Variants in KNDC1 observed in about 807,000 individuals in gnomAD.
The protein encoded by KNDC1 is kinase non-catalytic C-lobe domain-containing protein 1.
A neutral mutation model predicts 172.8 loss-of-function variants in KNDC1; 106 were observed. The ratio of observed to expected loss-of-function variants is 0.61; its 90% confidence interval spans 0.52 to 0.72. The LOEUF (loss-of-function observed/expected upper bound fraction) is 0.72, where lower values mean the gene tolerates loss of function less well. Ranked by LOEUF, KNDC1 falls within the 30% of genes least tolerant of loss-of-function variation. The pLI, the probability that KNDC1 is intolerant of heterozygous loss-of-function variation, is 0.00. For synonymous variants in KNDC1, 1,083 were observed against 1,062.2 expected, an observed-to-expected ratio of 1.02 and a Z score of -0.38; for missense variants, 2,325 against 2,394.5, an observed-to-expected ratio of 0.97 and a Z score of 0.61.
intron 6 of KNDC1, among the ~76,000 whole-genome samples, chr10:133,187,955 T>C (rs367659094): frequency 0.39 from 42,870 of 110,136 alleles, 8,454 homozygotes; most frequent in South Asian, 0.58. Context: ...GTCCCACCCT[T>C]CCCCTCCATG....
At chr10:133,185,647 G>A (rs140677443) in intron 5 of KNDC1, among the ~76,000 whole-genome samples, 45 of 151,748 alleles carry the variant, frequency 3.0e-4, no homozygotes, top group African/African-American at 9.4e-4. Flanking sequence ...GGAAAACGAC[G>A]TGCCTTTGGA....
At chr10:133,185,191 A>G (rs1040736634) in intron 5 of KNDC1, among the ~76,000 whole-genome samples, 7 of 150,290 alleles carry the variant, frequency 4.7e-5, no homozygotes, top group Non-Finnish European at 7.4e-5. Context: ...TGCAGTGTGG[A>G]GTAGGCAGTG....
At chr10:133,202,107 C>G (rs1486563399) in intron 17 of KNDC1, 1 of 710,424 alleles carries the variant, frequency 1.4e-6, no homozygotes, top group Admixed American at 2.0e-5. Flanking sequence ...CTCGTCTGCA[C>G]TGGTGCTCCT....
intron 1 of KNDC1, among the ~76,000 whole-genome samples, chr10:133,164,529 G>A (rs533625084): frequency 1.3e-5 from 2 of 152,334 alleles, no homozygotes; most frequent in East Asian, 1.9e-4. Flanking sequence ...TGAGGCCGGC[G>A]TTGCTATTCA....
chr10:133,174,808 T>A (rs1853480470), intron 3 of KNDC1, among the ~76,000 whole-genome samples: 2 of 149,150 alleles, frequency 1.3e-5, no homozygotes, highest in Non-Finnish European at 3.0e-5. Context: ...GGCGGATGGG[T>A]GGATGGTGGA....
chr10:133,202,812 C>T lies in KNDC1; in HGVS notation c.3387+914C>T, dbSNP rs112673054. 1.2e-3 allele frequency: 461 copies of T among 380,302 alleles called. 3 individuals carry two copies. Among genetic ancestry groups the T allele is most frequent in the African/African-American group, 8.0e-3 (380 of 47,656 alleles). 23.6% of individuals were successfully genotyped at this position (380,302 alleles called of 1,614,324 possible). On this transcript the variant is annotated intron_variant, in intron 17 of 29. Coordinates refer to ENST00000304613, the MANE Select transcript of KNDC1 (RefSeq NM_152643.8). The stretch of plus-strand genomic sequence containing the variant: ...TCAGCTTCTGGGCCACGTGAAAGAC[C>T]CGCATGGTGCTACAGCCTCTGCACC...
At position 133,198,688 on chromosome 10, in the gene KNDC1, A is replaced by C. The variant is rs1316371824; in HGVS notation, c.2180A>C (p.Lys727Thr). The change falls in exon 14 of 30, where the codon AAG becomes ACG. Residue 727 changes from lysine to threonine, a missense_variant. By Grantham distance (78) the Lys-to-Thr change is moderately conservative. Coordinates refer to ENST00000304613, the MANE Select transcript of KNDC1 (RefSeq NM_152643.8). ...LEAHAGSPSL[K>T]TPDGPVPGPG... The stretch of plus-strand genomic sequence containing the variant: ...GCCCACGCTGGGTCCCCCAGCCTGA[A>C]GACGCCTGACGGGCCGGTGCCTGGT... 2.5e-6 allele frequency: 4 copies of C among 1,585,194 alleles called. No individual in the cohort carries two copies. The highest frequency in any genetic ancestry group is 3.4e-6 in the Non-Finnish European group (4 of 1,166,748).
rs1324825203 is a variant in KNDC1 at position 133,212,904 on chromosome 10, G to A, written c.4425G>A (p.Gln1475=). ...TEYSTHQLFS[Q]LTLLQQELFQ... ...ACAGCACTCACCAGCTCTTCAGCCA[G>A]CTCACGCTGCTACAGCAGGTGAGGA... The change falls in exon 24 of 30, where the codon CAG becomes CAA. Residue 1475 remains glutamine, a synonymous_variant. Transcript: ENST00000304613. 1 of 1,612,746 alleles carries A rather than the reference G, an allele frequency of 6.2e-7. No individual in the cohort carries two copies. The highest frequency in any genetic ancestry group is 1.7e-5 in the Admixed American group (1 of 59,988).
At chr10:133,211,391 T>C (rs1224585746) in intron 21 of KNDC1, 31 bp from the exon 22 acceptor site, 1 of 1,602,622 alleles carries the variant, frequency 6.2e-7, no homozygotes, top group Non-Finnish European at 8.5e-7. Flanking sequence ...TCCCACATCC[T>C]GGCAGCTCAG....
At position 133,218,998 on chromosome 10, in the gene KNDC1, G is replaced by A; in HGVS notation, c.4801-33G>A. On this transcript the variant is annotated intron_variant, in intron 27 of 29. Transcript: ENST00000304613. The stretch of plus-strand genomic sequence containing the variant: ...CAAGGCGGGGGTGGGTACCCGCACG[G>A]CCGCAGGAGGCTCACCTGTGCTTTC... The A allele has an allele frequency of 3.7e-6, 6 of 1,613,806 alleles. 1 individual carries two copies. In the South Asian group the frequency reaches 5.5e-5, roughly 15 times the overall value.
intron 17 of KNDC1, among the ~76,000 whole-genome samples, chr10:133,205,169 C>T (rs1296162728): frequency 1.3e-5 from 2 of 152,230 alleles, no homozygotes; most frequent in Non-Finnish European, 2.9e-5. Context: ...CTCCTCCAGC[C>T]TCTACGCCCG....
intron 29 of KNDC1, among the ~76,000 whole-genome samples, chr10:133,222,215 G>A (rs111733585): frequency 0.038 from 5,664 of 148,442 alleles, 136 homozygotes; most frequent in African/African-American, 0.058. Context: ...CCCGGGAGGC[G>A]GAGCTTCCAG....
chr10:133,200,455 G>T lies in KNDC1; in HGVS notation c.2984G>T (p.Arg995Leu), dbSNP rs201155087. The change falls in exon 16 of 30, where the codon CGC (arginine) becomes CTC (leucine). Residue 995 changes from arginine (R) to leucine (L), a missense_variant. Physicochemically the swap from Arg to Leu is moderately radical, Grantham distance 102. Transcript: ENST00000304613. ...TCCAGCAAGAGGCCGTCGCTGCACC[G>T]CCTGGGTAAGTGCTGGGCGGGCCCC... is the stretch of plus-strand genomic sequence containing the variant. ...SPSSKRPSLH[R>L]LGKEKPAMAR... is the part of the protein sequence containing the mutation. 1.3e-6 allele frequency: 2 copies of T among 1,576,554 alleles called. No individual in the cohort carries two copies. Among genetic ancestry groups the T allele is most frequent in the Non-Finnish European group, 1.7e-6 (2 of 1,163,050 alleles).
At chr10:133,185,921 A>AGGGGGGGGGTGGGAGGGGG (rs1270628406) in intron 5 of KNDC1, 53 bp from the exon 6 acceptor site, 1 of 959,852 alleles carries the variant, frequency 1.0e-6, no homozygotes, top group Non-Finnish European at 1.4e-6. Context: ...GCGGGAGGAG[A>AGGGGGGGGGTGGGAGGGGG]GGGGAGGGGC....
rs748965555 is a variant in KNDC1, at chr10:133,201,485, G to A, written c.2990-16G>A. The A allele has an allele frequency of 3.4e-5, 53 of 1,577,290 alleles. No individual in the cohort carries two copies. Among genetic ancestry groups the A allele is most frequent in the East Asian group, 4.5e-5 (2 of 44,622 alleles). The stretch of plus-strand genomic sequence containing the variant: ...AGGAGCCACTGTCCACGTAACCTGC[G>A]TCTCTTTCTTTCAAGGAAAAGAGAA... On this transcript the variant is annotated splice_polypyrimidine_tract_variant and intron_variant, in intron 16 of 29. Coordinates refer to ENST00000304613, the MANE Select transcript of KNDC1 (RefSeq NM_152643.8).
intron 9 of KNDC1, among the ~76,000 whole-genome samples, chr10:133,195,337 C>G (rs1045734695): frequency 5.9e-5 from 9 of 152,314 alleles, no homozygotes; most frequent in Non-Finnish European, 1.2e-4. Flanking sequence ...GCTATGCTGG[C>G]CAGTTCTCCT....
At position 133,201,738 on chromosome 10, in the gene KNDC1, G is replaced by A; in HGVS notation, c.3227G>A (p.Gly1076Asp). ...VTRLARSKGVGPALSPGPAGF... is the reference protein window; with the variant it reads ...VTRLARSKGVDPALSPGPAGF... ...CGACTGGCCAGGTCCAAAGGGGTCG[G>A]CCCAGCCTTGTCCCCCGGCCCAGCC... The change falls in exon 17 of 30, where the codon GGC becomes GAC. Residue 1076 changes from glycine to aspartate, a missense_variant. Gly to Asp is a moderately conservative substitution (Grantham distance 94, BLOSUM62 -1). Transcript: ENST00000304613. 6.3e-7 allele frequency: 1 copy of A among 1,588,940 alleles called. No individual in the cohort carries two copies. The highest frequency in any genetic ancestry group is 8.6e-7 in the Non-Finnish European group (1 of 1,167,184).
rs1031514874 is a variant in KNDC1, at chr10:133,218,933, C to G, written c.4780C>G (p.Leu1594Val). ...GCAGATCCTGAGCGGGCTGGAGCAC[C>G]TGGCCGTGAGGCAGTCCCCTGTGCG... ...AMQILSGLEHLAVRQSPAWRI... is the reference protein window; with the variant it reads ...AMQILSGLEHVAVRQSPAWRI... The change falls in exon 27 of 30, where the codon CTG (leucine) becomes GTG (valine). Residue 1594 changes from leucine to valine, a missense_variant. Leu to Val is a conservative substitution (Grantham distance 32). Coordinates refer to ENST00000304613, the MANE Select transcript of KNDC1 (RefSeq NM_152643.8). 6.2e-7 allele frequency: 1 copy of G among 1,613,716 alleles called. No homozygotes were observed. The highest frequency in any genetic ancestry group is 8.5e-7 in the Non-Finnish European group (1 of 1,179,926).
At position 133,195,725 on chromosome 10, in the gene KNDC1, C is replaced by A. The variant is rs778307021; in HGVS notation, c.1638C>A (p.Asn546Lys). The A allele has an allele frequency of 3.7e-6, 6 of 1,612,532 alleles. No homozygotes were observed. The highest frequency in any genetic ancestry group is 5.1e-6 in the Non-Finnish European group (6 of 1,179,724). ...WTAAKFSVPR[N>K]HKLALPRRLK... ...CAGCCAAGTTCAGCGTCCCCCGCAA[C>A]CACAAGCTGGCCCTGCCACGCAGGC... is the stretch of plus-strand genomic sequence containing the variant. Residue 546 changes from asparagine to lysine, a missense_variant, in exon 10 of 30, where the codon AAC becomes AAA. Coordinates refer to ENST00000304613, the MANE Select transcript of KNDC1 (RefSeq NM_152643.8).
Sources: gnomAD v4.1 joint callset for allele counts (sites outside exome capture counted in the v4.1 genomes callset) on GRCh38, gnomAD v4.1.1 for gene constraint, MANE v1.5 for transcripts, NCBI Gene and HGNC (gene_info 2026-07-23, HGNC 2026-07-21) for gene names.